Variants in FREM1 observed in about 807,000 individuals in gnomAD.
FREM1 encodes the protein FRAS1-related extracellular matrix protein 1.
FREM1 carries 220 observed loss-of-function variants against 210.1 expected under a neutral mutation model. That is an observed-to-expected ratio of 1.05 (90% CI 0.94 to 1.17). FREM1 has a LOEUF of 1.17. Ranked by LOEUF, FREM1 falls within the 50% of genes most tolerant of loss-of-function variation. The pLI is 0.00. For missense variants in FREM1, 3,454 were observed against 2,675.5 expected (o/e 1.29, Z -6.42); for synonymous variants, 1,189 against 980.2 (o/e 1.21, Z -3.98).
chr9:14,906,235 G>A (rs1335241773), intron 1 of FREM1, among the ~76,000 whole-genome samples: 1 of 152,136 alleles, frequency 6.6e-6, no homozygotes, highest in Non-Finnish European at 1.5e-5. Flanking sequence ...ACATTACAGA[G>A]CCAAAGAACA....
chr9:14,845,814 G>T (rs1588328247), intron 8 of FREM1, 146 bp downstream of exon 8: 1 of 790,284 alleles, frequency 1.3e-6, no homozygotes, highest in Admixed American at 2.5e-5. Context: ...AAAAGTCAAT[G>T]ATTTCAAGAT....
At chr9:14,860,784 TATATACATATATACAC>T (rs1829893925) in intron 3 of FREM1, among the ~76,000 whole-genome samples, 1 of 92,790 alleles carries the variant, frequency 1.1e-5, no homozygotes, top group Admixed American at 1.2e-4. Flanking sequence ...CATATATACA[TATATACATATATACAC>T]ATATATACAT....
intron 19 of FREM1, 118 bp from the exon 20 acceptor site, chr9:14,801,992 A>T (rs1297040867): frequency 1.5e-5 from 10 of 688,642 alleles, no homozygotes; most frequent in Non-Finnish European, 2.2e-5. Context: ...TATGAGATTT[A>T]TATAGGATGA....
At chr9:14,745,908 G>A (rs1198824892) in intron 35 of FREM1, among the ~76,000 whole-genome samples, 2 of 152,102 alleles carry the variant, frequency 1.3e-5, no homozygotes, top group East Asian at 3.9e-4. Flanking sequence ...ATTGCTAGAG[G>A]CCCGACGTTA....
intron 15 of FREM1, 63 bp downstream of exon 15, chr9:14,816,713 GTA>G (rs2133662828): frequency 4.7e-5 from 35 of 742,746 alleles, no homozygotes; most frequent in Non-Finnish European, 6.6e-5. Flanking sequence ...CCAGTCTGTA[GTA>G]TTGTGTTATG....
At chr9:14,826,769 G>T (rs559975085) in intron 10 of FREM1, among the ~76,000 whole-genome samples, 1 of 152,224 alleles carries the variant, frequency 6.6e-6, no homozygotes, top group Non-Finnish European at 1.5e-5. Context: ...AGGGCTCGAG[G>T]GAATGAATTC....
intron 1 of FREM1, among the ~76,000 whole-genome samples, chr9:14,892,382 G>A (rs1247730245): frequency 6.6e-6 from 1 of 152,080 alleles, no homozygotes; most frequent in Non-Finnish European, 1.5e-5. Flanking sequence ...CCCAACTAAG[G>A]AGAGTTAGAG....
intron 13 of FREM1, among the ~76,000 whole-genome samples, chr9:14,822,459 G>A (rs1821545511): frequency 6.6e-6 from 1 of 152,092 alleles, no homozygotes; most frequent in Non-Finnish European, 1.5e-5. Flanking sequence ...GTAGGCTCTG[G>A]TCCCTTCTGG....
intron 2 of FREM1, among the ~76,000 whole-genome samples, chr9:14,865,661 C>CTATG (rs1384393387): frequency 1.4e-5 from 2 of 144,516 alleles, no homozygotes; most frequent in African/African-American, 5.2e-5. Flanking sequence ...AATGTTTAGG[C>CTATG]TGTGTGTGTG....
chr9:14,787,825 C>T (rs1009764792), intron 23 of FREM1, among the ~76,000 whole-genome samples: 1 of 152,114 alleles, frequency 6.6e-6, no homozygotes, highest in Non-Finnish European at 1.5e-5. Flanking sequence ...TTATGATGAA[C>T]ATAGTTGTTT....
intron 1 of FREM1, among the ~76,000 whole-genome samples, 199 bp from the exon 2 acceptor site, chr9:14,869,443 TGCTTCCGGACTTGACATACC>T (rs1440657856): frequency 6.6e-6 from 1 of 152,216 alleles, no homozygotes; most frequent in Non-Finnish European, 1.5e-5. Flanking sequence ...TTATAGCTCC[TGCTTCCGGACTTGACATACC>T]GCTTCCGGAC....
At chr9:14,862,105 G>A (rs190170674) in intron 3 of FREM1, among the ~76,000 whole-genome samples, 23 of 152,280 alleles carry the variant, frequency 1.5e-4, no homozygotes, top group Admixed American at 6.5e-5. Context: ...CTTGAGTGCC[G>A]CTTCATTTTC....
intron 1 of FREM1, among the ~76,000 whole-genome samples, chr9:14,875,133 A>T (rs1833453656): frequency 6.6e-6 from 1 of 152,104 alleles, no homozygotes; most frequent in South Asian, 2.1e-4. Context: ...GGTGAATCTG[A>T]CAATTACGTG....
At chr9:14,861,505 T>A (rs983622717) in intron 3 of FREM1, among the ~76,000 whole-genome samples, 7 of 77,548 alleles carry the variant, frequency 9.0e-5, no homozygotes, top group African/African-American at 3.6e-4. Context: ...CATTTATCCT[T>A]TTTTTTTTTT....
At chr9:14,843,254 T>C (rs1287026692) in intron 8 of FREM1, among the ~76,000 whole-genome samples, 1 of 152,144 alleles carries the variant, frequency 6.6e-6, no homozygotes, top group East Asian at 1.9e-4. Context: ...TCTAACACCC[T>C]CATTTGTGCC....
chr9:14,756,200 G>A (rs1277241809), intron 29 of FREM1, among the ~76,000 whole-genome samples, 174 bp downstream of exon 29: 3 of 151,842 alleles, frequency 2.0e-5, no homozygotes, highest in Admixed American at 2.0e-4. Context: ...AAAAATAAGG[G>A]CAAAACCTCA....
intron 26 of FREM1, among the ~76,000 whole-genome samples, 158 bp downstream of exon 26, chr9:14,770,447 A>G (rs141585246): frequency 4.9e-4 from 74 of 152,274 alleles, no homozygotes; most frequent in African/African-American, 1.7e-3. Flanking sequence ...TCAGCTTCAA[A>G]CCCTCTTTAG....
intron 20 of FREM1, among the ~76,000 whole-genome samples, chr9:14,799,097 A>G (rs552900091): frequency 3.9e-5 from 6 of 152,252 alleles, no homozygotes; most frequent in Non-Finnish European, 8.8e-5. Flanking sequence ...TGGACAACAC[A>G]GGGAGACCCT....
chr9:14,776,074 C>G lies in FREM1; in HGVS notation c.4572G>C (p.Leu1524=), dbSNP rs748953299. 2 of 1,613,450 alleles carry G rather than the reference C, an allele frequency of 1.2e-6. No individual in the cohort carries two copies. The highest frequency in any genetic ancestry group is 2.2e-5 in the South Asian group (2 of 91,042). The change falls in exon 25 of 37, where the codon CTG becomes CTC. Residue 1524 remains leucine (L), a synonymous_variant. Transcript: ENST00000380880. ...GLRLAQGAVG[L]LSPDLLQLTD... ...TCAGCTGAAGGAGGTCAGGGGAAAG[C>G]AGGCCCACGGCCCCTTGGGCCAGTC...
Sources: allele counts gnomAD v4.1 joint callset (sites outside exome capture counted in the v4.1 genomes callset), GRCh38; gene constraint gnomAD v4.1.1; transcripts MANE v1.5; gene names NCBI Gene and HGNC (gene_info 2026-07-23, HGNC 2026-07-21).